Variants in PCDH11X observed in about 807,000 individuals in gnomAD.
The protein encoded by PCDH11X is protocadherin 11 X-linked.
Under a neutral mutation model 53.3 loss-of-function variants are expected in PCDH11X, and 18 were observed. That is an observed-to-expected ratio of 0.34 (90% confidence interval 0.23 to 0.50). The LOEUF (loss-of-function observed/expected upper bound fraction) is 0.50, where lower values mean the gene tolerates loss of function less well. Ranked by LOEUF, PCDH11X falls within the 20% of genes least tolerant of loss-of-function variation. The pLI, the probability that PCDH11X is intolerant of heterozygous loss-of-function variation, is 0.98. For missense variants in PCDH11X, 570 were observed against 1,032.4 expected, an observed-to-expected ratio of 0.55 and a Z score of 6.14; for synonymous variants, 279 against 393.3, an observed-to-expected ratio of 0.71 and a Z score of 3.44.
intron 10 of PCDH11X, among the ~76,000 whole-genome samples, chrX:92,530,483 G>C (rs1196421762): frequency 8.9e-6 from 1 of 112,029 alleles, no homozygotes; most frequent in Non-Finnish European, 1.9e-5. Context: ...GCAATACTAA[G>C]AGTAAGTTTA....
intron 6 of PCDH11X, among the ~76,000 whole-genome samples, chrX:92,192,400 T>C (rs1041715227): frequency 2.2e-4 from 25 of 112,104 alleles, no homozygotes; most frequent in African/African-American, 7.5e-4. Flanking sequence ...TGCAGTGCAG[T>C]GGTGTGATCT....
chrX:91,828,925 C>T (rs1937013701), intron 4 of PCDH11X, among the ~76,000 whole-genome samples: 1 of 110,480 alleles, frequency 9.1e-6, no homozygotes. Flanking sequence ...TTGTTTTTAG[C>T]CATCACTTCC....
intron 4 of PCDH11X, among the ~76,000 whole-genome samples, chrX:91,817,183 C>A (rs1054919178): frequency 1.9e-5 from 2 of 107,172 alleles, no homozygotes. Context: ...TGAAATAATT[C>A]TATTTTAAGA....
At chrX:92,554,054 T>C (rs1305545341) in intron 10 of PCDH11X, among the ~76,000 whole-genome samples, 1 of 107,632 alleles carries the variant, frequency 9.3e-6, no homozygotes, top group Non-Finnish European at 1.9e-5. Context: ...TTTTTAATCA[T>C]AGAACAGTCG....
intron 6 of PCDH11X, among the ~76,000 whole-genome samples, chrX:91,910,500 A>C: frequency 8.9e-6 from 1 of 111,841 alleles, no homozygotes; most frequent in Non-Finnish European, 1.9e-5. Context: ...AAACAAAAAA[A>C]GACCATTTTC....
intron 1 of PCDH11X, among the ~76,000 whole-genome samples, chrX:91,781,296 A>T (rs1256588535): frequency 9.6e-6 from 1 of 104,339 alleles, no homozygotes; most frequent in Non-Finnish European, 2.0e-5. Flanking sequence ...CTGGTTGAAA[A>T]TCCGGGTAGA....
chrX:92,408,981 TTA>T (rs1265101923), intron 9 of PCDH11X, among the ~76,000 whole-genome samples: 1 of 104,357 alleles, frequency 9.6e-6, no homozygotes, highest in East Asian at 3.0e-4. Flanking sequence ...AATTGGCTAA[TTA>T]TATTTAGAAT....
chrX:92,049,126 T>A (rs2063332448), intron 6 of PCDH11X, among the ~76,000 whole-genome samples: 1 of 110,606 alleles, frequency 9.0e-6, no homozygotes, highest in Non-Finnish European at 1.9e-5. Context: ...AAATGTTTCT[T>A]ATTGGACCTA....
intron 1 of PCDH11X, among the ~76,000 whole-genome samples, chrX:91,781,789 A>AG (rs1168346644): frequency 8.9e-6 from 1 of 111,762 alleles, no homozygotes; most frequent in Admixed American, 9.4e-5. Flanking sequence ...TCATAGAGAG[A>AG]GCGCGGACCG....
chrX:92,528,513 G>A (rs1401805229), intron 10 of PCDH11X, among the ~76,000 whole-genome samples: 1 of 110,796 alleles, frequency 9.0e-6, no homozygotes, highest in Non-Finnish European at 1.9e-5. Flanking sequence ...CGCTGGTCTC[G>A]AACTCCCGAC....
intron 6 of PCDH11X, among the ~76,000 whole-genome samples, chrX:92,018,169 C>A (rs1164298856): frequency 9.1e-6 from 1 of 110,060 alleles, no homozygotes; most frequent in Non-Finnish European, 1.9e-5. Flanking sequence ...AAAAGATTAT[C>A]TGAAACCATT....
chrX:92,554,528 C>CAT (rs1248401970), intron 10 of PCDH11X, among the ~76,000 whole-genome samples: 2 of 107,882 alleles, frequency 1.9e-5, no homozygotes, highest in Non-Finnish European at 3.9e-5. Flanking sequence ...ATAGTTCAAA[C>CAT]ATATATATCT....
intron 10 of PCDH11X, among the ~76,000 whole-genome samples, chrX:92,494,083 C>T (rs2073817874): frequency 9.3e-6 from 1 of 107,603 alleles, no homozygotes. Flanking sequence ...AACACCCATA[C>T]CAAAAGAACC....
Position 91,903,946 on chromosome X carries a change from T to C in PCDH11X, c.3033+24673T>C, listed in dbSNP as rs534368969. Among the ~76,000 whole-genome samples the C allele has an allele frequency of 1.4e-3, 149 of 109,187 alleles. 3 individuals carry two copies. The South Asian group carries it at 0.06, about 44-fold the overall frequency. The allele number at this position is 109,187 out of a possible 115,157, so 94.8% of individuals were successfully genotyped here. A position where few individuals can be genotyped will look rare whatever the true frequency, so the allele number is the denominator to read the frequency against. On this transcript the variant is annotated intron_variant, in intron 6 of 10. Coordinates refer to ENST00000682573, the MANE Select transcript of PCDH11X (RefSeq NM_032968.5). ...TATATTTTCTACAACGACTCCAAAA[T>C]TGAAGGCAGTTGACTAGAAATTAGC...
At chrX:92,260,053 G>T (rs1569445459) in intron 7 of PCDH11X, among the ~76,000 whole-genome samples, 1 of 109,947 alleles carries the variant, frequency 9.1e-6, no homozygotes, top group East Asian at 2.9e-4. Flanking sequence ...GTGCAGCCTG[G>T]GGTTAGGGGA....
intron 9 of PCDH11X, among the ~76,000 whole-genome samples, chrX:92,421,600 G>A (rs1056245612): frequency 9.8e-5 from 11 of 111,779 alleles, no homozygotes; most frequent in Non-Finnish European, 1.7e-4. Flanking sequence ...ATGGCAGAAC[G>A]ATTTACATTC....
At chrX:92,478,422 T>G (rs1029869649) in intron 10 of PCDH11X, among the ~76,000 whole-genome samples, 2 of 111,204 alleles carry the variant, frequency 1.8e-5, no homozygotes, top group Non-Finnish European at 3.8e-5. Context: ...TGGGCTTGGT[T>G]TGATCTTGCT....
chrX:92,292,141 T>C (rs981249704), intron 8 of PCDH11X, among the ~76,000 whole-genome samples: 1 of 111,783 alleles, frequency 8.9e-6, no homozygotes, highest in Non-Finnish European at 1.9e-5. Flanking sequence ...TCTTTCTGGA[T>C]TATGGATGCA....
At chrX:92,542,384 A>T (rs1398130670) in intron 10 of PCDH11X, among the ~76,000 whole-genome samples, 2 of 111,868 alleles carry the variant, frequency 1.8e-5, no homozygotes, top group African/African-American at 6.5e-5. Context: ...CATCCCAATG[A>T]TTTCCAAACG....
Sources: gnomAD v4.1 joint callset for allele counts (sites outside exome capture counted in the v4.1 genomes callset) on GRCh38, gnomAD v4.1.1 for gene constraint, MANE v1.5 for transcripts, NCBI Gene and HGNC (gene_info 2026-07-23, HGNC 2026-07-21) for gene names.